SLC25A21: variants seen among roughly 807,000 people sequenced by gnomAD.
SLC25A21 encodes mitochondrial 2-oxodicarboxylate carrier.
Under a neutral mutation model 43.8 loss-of-function variants are expected in SLC25A21, and 47 were observed. The observed-to-expected ratio is 1.07, with a 90% CI of 0.85 to 1.37. The LOEUF (loss-of-function observed/expected upper bound fraction) is 1.37, where lower values mean the gene tolerates loss of function less well. Ranked by LOEUF, SLC25A21 falls within the 40% of genes most tolerant of loss-of-function variation. The pLI is 0.00. For missense variants in SLC25A21, 352 were observed against 350.2 expected (o/e 1.00, Z -0.04); for synonymous variants, 131 against 121.3 (o/e 1.08, Z -0.52).
chr14:36,697,365 G>A (rs2139163074), intron 7 of SLC25A21, among the ~76,000 whole-genome samples: 1 of 152,328 alleles, frequency 6.6e-6, no homozygotes, highest in Non-Finnish European at 1.5e-5. Context: ...GTGATGTGGT[G>A]CTGAGAAGAA....
At chr14:36,942,252 T>G (rs1183329878) in intron 1 of SLC25A21, among the ~76,000 whole-genome samples, 1 of 152,208 alleles carries the variant, frequency 6.6e-6, no homozygotes, top group Non-Finnish European at 1.5e-5. Context: ...CCAAGTGTCC[T>G]GAGAATATTT....
intron 1 of SLC25A21, among the ~76,000 whole-genome samples, chr14:36,911,491 G>A (rs556604489): frequency 3.3e-5 from 5 of 152,248 alleles, no homozygotes; most frequent in Admixed American, 6.5e-5. Flanking sequence ...GCTTGGCCAC[G>A]TGACTTGCTA....
chr14:36,865,525 C>T (rs1252394062), intron 2 of SLC25A21, among the ~76,000 whole-genome samples: 4 of 151,838 alleles, frequency 2.6e-5, no homozygotes, highest in South Asian at 4.1e-4. Flanking sequence ...CTTCCACTCA[C>T]GGTGAACAAA....
At chr14:36,734,049 T>C (rs563460604) in intron 4 of SLC25A21, among the ~76,000 whole-genome samples, 2 of 152,310 alleles carry the variant, frequency 1.3e-5, no homozygotes, top group East Asian at 3.9e-4. Context: ...AATTATGTTA[T>C]ATGAGAATCA....
rs113191693 is a variant in SLC25A21 at position 36,971,737 on chromosome 14, C to G, written c.71-96733G>C. Among the ~76,000 whole-genome samples the G allele has an allele frequency of 3.3e-5, 5 of 152,234 alleles. No individual in the cohort carries two copies. In the South Asian group the frequency reaches 6.2e-4, roughly 19 times the overall value. On this transcript the variant is annotated intron_variant, in intron 1 of 9. Transcript: ENST00000331299. ...GTCCTAATCTTCTTGGCGCCACACA[C>G]GAACCTCGGGTATTTACCCCAGACA...
chr14:36,718,545 C>A (rs559533017), intron 6 of SLC25A21, among the ~76,000 whole-genome samples: 1 of 152,332 alleles, frequency 6.6e-6, no homozygotes, highest in Admixed American at 6.5e-5. Context: ...TCACAAAATA[C>A]AGCCCTTCAA....
At chr14:37,078,554 G>C (rs938434361) in intron 1 of SLC25A21, among the ~76,000 whole-genome samples, 1 of 152,062 alleles carries the variant, frequency 6.6e-6, no homozygotes, top group African/African-American at 2.4e-5. Context: ...TCAGTCAAAG[G>C]CCCTTAATAA....
chr14:36,867,136 C>A (rs1453737461), intron 2 of SLC25A21, among the ~76,000 whole-genome samples: 1 of 152,080 alleles, frequency 6.6e-6, no homozygotes. Context: ...CACCTCTGCT[C>A]GAGGTACAGC....
At chr14:36,756,397 C>T (rs910501874) in intron 3 of SLC25A21, among the ~76,000 whole-genome samples, 7 of 152,170 alleles carry the variant, frequency 4.6e-5, no homozygotes, top group African/African-American at 7.2e-5. Context: ...AGATGCAAAG[C>T]GAGAAGCATG....
intron 1 of SLC25A21, among the ~76,000 whole-genome samples, chr14:37,043,947 T>C (rs139413010): frequency 0.016 from 1,710 of 110,098 alleles, 48 homozygotes; most frequent in African/African-American, 0.062. Context: ...TTTGTTTTTT[T>C]TTTTTTTTTT....
chr14:36,725,366 G>A (rs746554949), intron 6 of SLC25A21: 5 of 180,102 alleles, frequency 2.8e-5, no homozygotes, highest in African/African-American at 2.4e-5. Flanking sequence ...TCCCAGCTAC[G>A]AGGGAGGCTG....
At chr14:36,718,070 A>T (rs930897583) in intron 6 of SLC25A21, among the ~76,000 whole-genome samples, 2 of 152,158 alleles carry the variant, frequency 1.3e-5, no homozygotes, top group Admixed American at 6.5e-5. Flanking sequence ...AAATCAAATA[A>T]AGGGAAAAAC....
intron 1 of SLC25A21, among the ~76,000 whole-genome samples, chr14:37,110,462 T>A (rs1962997735): frequency 6.6e-6 from 1 of 152,306 alleles, no homozygotes; most frequent in Non-Finnish European, 1.5e-5. Context: ...CATGAAGGAA[T>A]CTTTGTATTC....
chr14:36,690,143 C>T (rs1268470339), intron 7 of SLC25A21, among the ~76,000 whole-genome samples: 1 of 152,104 alleles, frequency 6.6e-6, no homozygotes, highest in Non-Finnish European at 1.5e-5. Context: ...TGGCTAGCAG[C>T]AAGTACAGCA....
At chr14:36,893,320 T>C (rs1354632727) in intron 1 of SLC25A21, among the ~76,000 whole-genome samples, 5 of 152,234 alleles carry the variant, frequency 3.3e-5, no homozygotes, top group African/African-American at 4.8e-5. Context: ...CATTTTTTCA[T>C]GTGTCTGTTG....
chr14:36,990,678 A>T (rs1372238555), intron 1 of SLC25A21, among the ~76,000 whole-genome samples: 1 of 152,238 alleles, frequency 6.6e-6, no homozygotes, highest in Non-Finnish European at 1.5e-5. Context: ...GGAGTTCAAG[A>T]CCAGCTGGGG....
intron 7 of SLC25A21, among the ~76,000 whole-genome samples, chr14:36,701,362 G>C (rs1431339163): frequency 6.6e-6 from 1 of 152,188 alleles, no homozygotes. Flanking sequence ...CAACTGATAA[G>C]CATTCTTTAA....
chr14:36,680,733 G>T lies in SLC25A21; in HGVS notation c.839-14C>A. The T allele has an allele frequency of 2.5e-6, 4 of 1,608,438 alleles. No homozygotes were observed. Among genetic ancestry groups the T allele is most frequent in the Non-Finnish European group, 2.5e-6 (3 of 1,178,310 alleles). On this transcript the variant is annotated splice_polypyrimidine_tract_variant and intron_variant, in intron 9 of 9. Coordinates refer to ENST00000331299, the MANE Select transcript of SLC25A21 (RefSeq NM_030631.4). ...TCACTGCACCACCTAGAAAAGAAAA[G>T]AGCTGTTTTTTATTGCAAATCCTCT...
At chr14:36,996,885 G>A (rs1960383191) in intron 1 of SLC25A21, among the ~76,000 whole-genome samples, 1 of 152,050 alleles carries the variant, frequency 6.6e-6, no homozygotes, top group Admixed American at 6.6e-5. Flanking sequence ...AAAGTGAGGA[G>A]AAATTAATTC....
Sources: allele counts gnomAD v4.1 joint callset (sites outside exome capture counted in the v4.1 genomes callset), GRCh38; gene constraint gnomAD v4.1.1; transcripts MANE v1.5; gene names NCBI Gene and HGNC (gene_info 2026-07-23, HGNC 2026-07-21).